The following NRG1 variants were observed in gnomAD, a reference collection of about 807,000 sequenced individuals.
NRG1 encodes the protein pro-neuregulin-1, membrane-bound isoform.
Under a neutral mutation model 63.8 loss-of-function variants are expected in NRG1, and 18 were observed. That is an observed-to-expected ratio of 0.28 (90% CI 0.19 to 0.42). The LOEUF (loss-of-function observed/expected upper bound fraction) is 0.42, where lower values mean the gene tolerates loss of function less well. NRG1 is among the 10% of genes least tolerant of loss of function. NRG1 has a pLI of 1.00. For synonymous variants in NRG1, 302 were observed against 301.3 expected, an observed-to-expected ratio of 1.00 and a Z score of -0.02; for missense variants, 762 against 814.7, an observed-to-expected ratio of 0.94 and a Z score of 0.79.
intron 1 of NRG1, among the ~76,000 whole-genome samples, chr8:32,140,078 A>G (rs1836044461): frequency 6.6e-6 from 1 of 152,160 alleles, no homozygotes; most frequent in Non-Finnish European, 1.5e-5. Flanking sequence ...TTAGGGACCC[A>G]GCAGCTATGG....
intron 1 of NRG1, among the ~76,000 whole-genome samples, chr8:31,679,721 A>G (rs13271079): frequency 1.3e-5 from 2 of 152,140 alleles, no homozygotes; most frequent in African/African-American, 4.8e-5. Flanking sequence ...CTAAAACAAT[A>G]CAATAAGAAA....
chr8:32,178,468 G>A (rs1841045429), intron 1 of NRG1, among the ~76,000 whole-genome samples: 1 of 152,134 alleles, frequency 6.6e-6, no homozygotes. Context: ...AAATTAGCTG[G>A]GTGTGGTGGT....
intron 1 of NRG1, among the ~76,000 whole-genome samples, chr8:32,368,461 T>C (rs1808375870): frequency 6.6e-6 from 1 of 152,156 alleles, no homozygotes; most frequent in African/African-American, 2.4e-5. Context: ...CCCAGCTACT[T>C]GGGAAGCTTG....
At chr8:31,679,643 A>T (rs1455033888) in intron 1 of NRG1, among the ~76,000 whole-genome samples, 2 of 152,180 alleles carry the variant, frequency 1.3e-5, no homozygotes, top group East Asian at 1.9e-4. Context: ...AAGATTACAA[A>T]CAAGTTAATA....
intron 1 of NRG1, among the ~76,000 whole-genome samples, chr8:32,178,191 G>C (rs1466757400): frequency 6.6e-6 from 1 of 152,080 alleles, no homozygotes; most frequent in Non-Finnish European, 1.5e-5. Flanking sequence ...ATTGAGAGAA[G>C]GACTAATGAG....
At chr8:32,317,938 C>T (rs1029673067) in intron 1 of NRG1, among the ~76,000 whole-genome samples, 2 of 152,022 alleles carry the variant, frequency 1.3e-5, no homozygotes, top group African/African-American at 4.8e-5. Flanking sequence ...GACGCCAGGG[C>T]TTAGGGACTG....
At chr8:32,480,362 T>C (rs1384479450) in intron 1 of NRG1, among the ~76,000 whole-genome samples, 1 of 146,200 alleles carries the variant, frequency 6.8e-6, no homozygotes, top group Non-Finnish European at 1.5e-5. Flanking sequence ...ACAGAAAAAA[T>C]AAACTTCAGT....
At chr8:32,349,619 G>A (rs781250170) in intron 1 of NRG1, among the ~76,000 whole-genome samples, 3 of 152,146 alleles carry the variant, frequency 2.0e-5, no homozygotes, top group Non-Finnish European at 4.4e-5. Context: ...AGAAATCCTC[G>A]ATTTCCCATA....
At chr8:32,365,167 C>T (rs559897214) in intron 1 of NRG1, among the ~76,000 whole-genome samples, 11 of 152,144 alleles carry the variant, frequency 7.2e-5, no homozygotes, top group South Asian at 2.1e-4. Context: ...GAATTACAGG[C>T]GAGAGCCAAC....
At chr8:32,761,570 T>G (rs1403116772) in intron 11 of NRG1, among the ~76,000 whole-genome samples, 1 of 101,838 alleles carries the variant, frequency 9.8e-6, no homozygotes, top group East Asian at 6.1e-4. Flanking sequence ...AATTTTATTT[T>G]ATTTTATTTT....
At chr8:32,398,410 ATTTT>A (rs59321367) in intron 1 of NRG1, among the ~76,000 whole-genome samples, 1 of 142,262 alleles carries the variant, frequency 7.0e-6, no homozygotes, top group African/African-American at 2.6e-5. Context: ...TTCCACCCAA[ATTTT>A]TTTTTTTTTT....
chr8:32,320,058 A>G (rs1180227321), intron 1 of NRG1, among the ~76,000 whole-genome samples: 2 of 152,152 alleles, frequency 1.3e-5, no homozygotes, highest in Non-Finnish European at 2.9e-5. Flanking sequence ...GCTACTTAAG[A>G]GCTGTACGAC....
chr8:31,707,089 T>C (rs1357454509), intron 1 of NRG1, among the ~76,000 whole-genome samples: 1 of 152,140 alleles, frequency 6.6e-6, no homozygotes, highest in Non-Finnish European at 1.5e-5. Context: ...TTCTGGATTT[T>C]TAGTCATAAT....
At chr8:31,804,885 T>C (rs913312943) in intron 1 of NRG1, among the ~76,000 whole-genome samples, 16 of 152,204 alleles carry the variant, frequency 1.1e-4, no homozygotes, top group Non-Finnish European at 2.1e-4. Context: ...GCCAAGTTGA[T>C]AGAAAACTAC....
At chr8:32,713,608 GT>G (rs754390671) in intron 5 of NRG1, among the ~76,000 whole-genome samples, 1 of 145,206 alleles carries the variant, frequency 6.9e-6, no homozygotes, top group South Asian at 2.2e-4. Flanking sequence ...TCATGAGTAA[GT>G]TTAAAAAAAA....
At chr8:31,686,744 A>T (rs920859895) in intron 1 of NRG1, among the ~76,000 whole-genome samples, 1 of 151,874 alleles carries the variant, frequency 6.6e-6, no homozygotes, top group Non-Finnish European at 1.5e-5. Flanking sequence ...AAAGGTCTTC[A>T]GGATGGTCTT....
intron 6 of NRG1, among the ~76,000 whole-genome samples, chr8:32,730,362 G>A (rs530801292): frequency 6.6e-6 from 1 of 152,140 alleles, no homozygotes; most frequent in South Asian, 2.1e-4. Context: ...CTAAGGTGGG[G>A]GGATCACTTG....
chr8:32,368,991 A>T (rs1391561868), intron 1 of NRG1, among the ~76,000 whole-genome samples: 4 of 152,182 alleles, frequency 2.6e-5, no homozygotes, highest in African/African-American at 9.6e-5. Flanking sequence ...TGTGTATGAT[A>T]CATGTGCAAA....
chr8:32,359,167 G>A (rs891254081), intron 1 of NRG1, among the ~76,000 whole-genome samples: 11 of 152,182 alleles, frequency 7.2e-5, no homozygotes, highest in East Asian at 3.9e-4. Context: ...GTAAAATGGC[G>A]TAATGATACT....
Sources: allele counts gnomAD v4.1 joint callset (sites outside exome capture counted in the v4.1 genomes callset), GRCh38; gene constraint gnomAD v4.1.1; transcripts MANE v1.5; gene names NCBI Gene and HGNC (gene_info 2026-07-23, HGNC 2026-07-21).